Variants in GRIK2 observed in about 807,000 individuals in gnomAD.
The protein encoded by GRIK2 is glutamate ionotropic receptor kainate type subunit 2.
In GRIK2, 32 loss-of-function variants were observed where a neutral mutation model predicts 100.3. The observed-to-expected ratio is 0.32, with a 90% CI of 0.24 to 0.43. The LOEUF (loss-of-function observed/expected upper bound fraction) is 0.43. Ranked by LOEUF, GRIK2 falls within the 20% of genes least tolerant of loss-of-function variation. The probability of loss-of-function intolerance (pLI) is 1.00; values close to 1 mark genes in which losing one functional copy is unlikely to be tolerated. For missense variants in GRIK2, 843 were observed against 1,114.9 expected, an observed-to-expected ratio of 0.76 and a Z score of 3.47; for synonymous variants, 417 against 389.4, an observed-to-expected ratio of 1.07 and a Z score of -0.83.
intron 2 of GRIK2, among the ~76,000 whole-genome samples, chr6:101,567,874 C>A (rs1227667254): frequency 6.6e-6 from 1 of 151,906 alleles, no homozygotes; most frequent in Admixed American, 6.6e-5. Flanking sequence ...TATTTACCAT[C>A]ATAAGATAAT....
At chr6:101,429,958 C>T (rs1190462675) in intron 2 of GRIK2, among the ~76,000 whole-genome samples, 2 of 152,196 alleles carry the variant, frequency 1.3e-5, no homozygotes, top group African/African-American at 2.4e-5. Flanking sequence ...AAACTGGGTC[C>T]TAACGCTTGG....
At chr6:101,398,492 CTT>C (rs1582356848) in intron 1 of GRIK2, among the ~76,000 whole-genome samples, 1 of 152,206 alleles carries the variant, frequency 6.6e-6, no homozygotes, top group Non-Finnish European at 1.5e-5. Flanking sequence ...AAATAAGACT[CTT>C]TCAATCTAAC....
chr6:102,043,427 T>C (rs1770704186), intron 15 of GRIK2, among the ~76,000 whole-genome samples: 1 of 151,794 alleles, frequency 6.6e-6, no homozygotes, highest in African/African-American at 2.4e-5. Context: ...TCTCCCCATT[T>C]CTCTCAACCC....
chr6:101,587,706 A>G (rs998002157), intron 2 of GRIK2, among the ~76,000 whole-genome samples: 12 of 152,132 alleles, frequency 7.9e-5, no homozygotes, highest in African/African-American at 2.7e-4. Flanking sequence ...CTAGAAAACA[A>G]TAGAATGGTA....
chr6:101,812,753 A>G (rs1349231305), intron 9 of GRIK2, among the ~76,000 whole-genome samples: 1 of 152,028 alleles, frequency 6.6e-6, no homozygotes, highest in Non-Finnish European at 1.5e-5. Context: ...GTAATAAACG[A>G]TCATCCATTA....
At chr6:101,697,503 T>C (rs1326097409) in intron 7 of GRIK2, among the ~76,000 whole-genome samples, 1 of 151,932 alleles carries the variant, frequency 6.6e-6, no homozygotes, top group African/African-American at 2.4e-5. Context: ...AACATATCCC[T>C]ATTTAACAGA....
At chr6:102,055,705 TATGTC>T in intron 16 of GRIK2, 125 bp downstream of exon 16, 2 of 643,946 alleles carry the variant, frequency 3.1e-6, no homozygotes, top group Non-Finnish European at 5.4e-6. Flanking sequence ...TAAATTGTCT[TATGTC>T]ATTCATTACA....
At chr6:102,006,700 A>G (rs950539133) in intron 14 of GRIK2, among the ~76,000 whole-genome samples, 1 of 151,656 alleles carries the variant, frequency 6.6e-6, no homozygotes, top group Non-Finnish European at 1.5e-5. Flanking sequence ...AATGATCCTT[A>G]TTAAGCCCCT....
At chr6:101,954,231 A>G (rs1024038565) in intron 14 of GRIK2, among the ~76,000 whole-genome samples, 1 of 152,250 alleles carries the variant, frequency 6.6e-6, no homozygotes, top group East Asian at 1.9e-4. Flanking sequence ...CCCTGCATCT[A>G]TAAGAATTTT....
chr6:101,720,222 A>G (rs2128364755), intron 7 of GRIK2, among the ~76,000 whole-genome samples: 1 of 151,992 alleles, frequency 6.6e-6, no homozygotes, highest in Admixed American at 6.6e-5. Context: ...GACCCAGCCC[A>G]CACTGTCAGA....
intron 15 of GRIK2, among the ~76,000 whole-genome samples, chr6:102,040,001 A>C (rs978031223): frequency 6.6e-6 from 1 of 151,464 alleles, no homozygotes; most frequent in Admixed American, 6.6e-5. Context: ...GTAATTTTCT[A>C]TAATTTCAGT....
chr6:101,461,596 T>A (rs142409228), intron 2 of GRIK2, among the ~76,000 whole-genome samples: 129 of 152,318 alleles, frequency 8.5e-4, no homozygotes, highest in Admixed American at 2.2e-3. Flanking sequence ...AGATAATCCA[T>A]GATGGTTTCC....
chr6:101,790,086 A>T (rs1473659536), intron 7 of GRIK2, among the ~76,000 whole-genome samples: 1 of 152,132 alleles, frequency 6.6e-6, no homozygotes. Context: ...AAGTTGCTTA[A>T]CAGCTTAAGG....
intron 2 of GRIK2, among the ~76,000 whole-genome samples, chr6:101,453,333 G>T (rs1200294236): frequency 6.6e-6 from 1 of 151,696 alleles, no homozygotes; most frequent in Non-Finnish European, 1.5e-5. Flanking sequence ...CTTTAATGCT[G>T]CCAGCCTATA....
At chr6:102,019,323 A>G (rs1311730707) in intron 14 of GRIK2, among the ~76,000 whole-genome samples, 1 of 152,074 alleles carries the variant, frequency 6.6e-6, no homozygotes, top group Non-Finnish European at 1.5e-5. Flanking sequence ...TTTAGAATCA[A>G]CAGAAATGCT....
At chr6:101,828,761 A>C (rs1782493535) in intron 10 of GRIK2, among the ~76,000 whole-genome samples, 1 of 151,882 alleles carries the variant, frequency 6.6e-6, no homozygotes, top group South Asian at 2.1e-4. Flanking sequence ...TGAGCAAAGG[A>C]ATTGAATCAT....
intron 14 of GRIK2, among the ~76,000 whole-genome samples, chr6:102,016,524 TATA>T (rs530936926): frequency 9.5e-5 from 14 of 146,906 alleles, no homozygotes; most frequent in African/African-American, 3.5e-4. Context: ...AAACTTAAAG[TATA>T]ATAATAATAA....
chr6:101,459,552 C>T (rs1444733742), intron 2 of GRIK2, among the ~76,000 whole-genome samples: 3 of 152,072 alleles, frequency 2.0e-5, no homozygotes, highest in Admixed American at 6.5e-5. Context: ...GGTGATTCTT[C>T]CTAGAGGTTG....
intron 2 of GRIK2, among the ~76,000 whole-genome samples, chr6:101,485,100 C>T (rs970219624): frequency 2.6e-5 from 4 of 152,158 alleles, no homozygotes; most frequent in African/African-American, 9.7e-5. Flanking sequence ...TTTGCTTCAG[C>T]AAACGGAATA....
Sources: gnomAD v4.1 joint callset for allele counts (sites outside exome capture counted in the v4.1 genomes callset) on GRCh38, gnomAD v4.1.1 for gene constraint, MANE v1.5 for transcripts, NCBI Gene and HGNC (gene_info 2026-07-23, HGNC 2026-07-21) for gene names.